The following RNLS variants were observed in gnomAD, a reference collection of about 807,000 sequenced individuals.
RNLS encodes the protein renalase, FAD dependent amine oxidase.
RNLS carries 39 observed loss-of-function variants against 39.8 expected under a neutral mutation model. That is an observed-to-expected ratio of 0.98 (90% confidence interval 0.76 to 1.28). RNLS has a LOEUF of 1.28. Ranked by LOEUF, RNLS falls within the 50% of genes most tolerant of loss-of-function variation. The pLI is 0.00. For missense variants in RNLS, 410 were observed against 413.3 expected (o/e 0.99, Z 0.07); for synonymous variants, 147 against 150.7 (o/e 0.98, Z 0.18).
chr10:88,445,480 G>A (rs1179220040), intron 4 of RNLS, among the ~76,000 whole-genome samples: 1 of 152,184 alleles, frequency 6.6e-6, no homozygotes, highest in Non-Finnish European at 1.5e-5. Flanking sequence ...AACCTTAAAT[G>A]TAAATGGGCT....
At chr10:88,289,921 A>T (rs1413134363) in intron 6 of RNLS, among the ~76,000 whole-genome samples, 3 of 152,148 alleles carry the variant, frequency 2.0e-5, no homozygotes, top group Admixed American at 2.0e-4. Context: ...CCTGTCATGT[A>T]TTAAGTTGAA....
intron 4 of RNLS, among the ~76,000 whole-genome samples, chr10:88,542,953 CAAT>C (rs34280293): frequency 0.42 from 63,142 of 151,628 alleles, 13,796 homozygotes; most frequent in African/African-American, 0.54. Flanking sequence ...TAACACACAA[CAAT>C]GAGGACAAAG....
At chr10:88,240,949 T>C in the RNLS span, among the ~76,000 whole-genome samples, 1 of 151,596 alleles carries the variant, frequency 6.6e-6, no homozygotes, top group Non-Finnish European at 1.5e-5. Flanking sequence ...TTACTGAATG[T>C]TTTTCATTAT....
chr10:88,234,226 A>G, the RNLS span, among the ~76,000 whole-genome samples: 1 of 151,808 alleles, frequency 6.6e-6, no homozygotes, highest in East Asian at 1.9e-4. Flanking sequence ...GTGCAAATTC[A>G]ACATCATTTC....
chr10:88,337,562 C>T (rs1463926642), intron 5 of RNLS, among the ~76,000 whole-genome samples: 1 of 152,186 alleles, frequency 6.6e-6, no homozygotes, highest in East Asian at 1.9e-4. Context: ...TGCTCTCTCT[C>T]TGTTTTTTAA....
chr10:88,313,089 T>C (rs1484062972), intron 6 of RNLS, among the ~76,000 whole-genome samples: 2 of 152,234 alleles, frequency 1.3e-5, no homozygotes, highest in Non-Finnish European at 2.9e-5. Flanking sequence ...GTACATTGTG[T>C]TCAAAGATTT....
chr10:88,500,990 T>A (rs189130166), intron 4 of RNLS, among the ~76,000 whole-genome samples: 20 of 147,126 alleles, frequency 1.4e-4, no homozygotes, highest in African/African-American at 4.7e-4. Flanking sequence ...TATATTTATG[T>A]ATATATATGT....
chr10:88,201,160 T>C, the RNLS span, among the ~76,000 whole-genome samples: 3 of 152,218 alleles, frequency 2.0e-5, no homozygotes, highest in Non-Finnish European at 4.4e-5. Context: ...TGCTTTAAGA[T>C]GGTTGCATCT....
chr10:88,437,119 A>C (rs1214143001), intron 4 of RNLS, among the ~76,000 whole-genome samples: 1 of 152,220 alleles, frequency 6.6e-6, no homozygotes, highest in East Asian at 1.9e-4. Flanking sequence ...ACTAGCTATA[A>C]AACTAAGACA....
At chr10:88,517,367 C>T (rs922940362) in intron 4 of RNLS, among the ~76,000 whole-genome samples, 17 of 152,020 alleles carry the variant, frequency 1.1e-4, no homozygotes, top group African/African-American at 3.6e-4. Flanking sequence ...ATGTCCATAA[C>T]ACTGGTTATA....
intron 4 of RNLS, among the ~76,000 whole-genome samples, chr10:88,381,199 C>G (rs1851467061): frequency 6.6e-6 from 1 of 152,106 alleles, no homozygotes; most frequent in Non-Finnish European, 1.5e-5. Context: ...CACAGCCTTG[C>G]TTTGACTTAA....
chr10:88,466,608 T>A (rs946658358), intron 4 of RNLS, among the ~76,000 whole-genome samples: 1 of 152,154 alleles, frequency 6.6e-6, no homozygotes, highest in Non-Finnish European at 1.5e-5. Context: ...ACAGGCTCAA[T>A]ATCTTCAAAG....
chr10:88,574,046 C>T (rs1195531384), intron 3 of RNLS, among the ~76,000 whole-genome samples: 1 of 152,086 alleles, frequency 6.6e-6, no homozygotes, highest in Non-Finnish European at 1.5e-5. Flanking sequence ...CAGGCTAAGA[C>T]ACGAGAATCG....
the RNLS span, among the ~76,000 whole-genome samples, chr10:88,202,381 T>C: frequency 6.6e-6 from 1 of 152,020 alleles, no homozygotes; most frequent in Non-Finnish European, 1.5e-5. Flanking sequence ...CACACCAACA[T>C]GGCACACGCA....
chr10:88,203,311 TAC>T, the RNLS span, among the ~76,000 whole-genome samples: 1 of 6,518 alleles, frequency 1.5e-4, no homozygotes, highest in African/African-American at 8.2e-4. Context: ...TATATATATA[TAC>T]GTATGTATAT....
At chr10:88,568,518 G>A (rs899631945) in intron 4 of RNLS, among the ~76,000 whole-genome samples, 19 of 151,906 alleles carry the variant, frequency 1.3e-4, no homozygotes, top group Non-Finnish European at 1.3e-4. Flanking sequence ...TGTGTGTGTC[G>A]TTGTTGTTTT....
chr10:88,539,290 G>A (rs932782857), intron 4 of RNLS, among the ~76,000 whole-genome samples: 1 of 152,066 alleles, frequency 6.6e-6, no homozygotes. Context: ...TTCACATATA[G>A]TATGCACATA....
At chr10:88,521,589 GTGT>G (rs972929748) in intron 4 of RNLS, among the ~76,000 whole-genome samples, 1 of 152,052 alleles carries the variant, frequency 6.6e-6, no homozygotes. Flanking sequence ...AAGAATGTGT[GTGT>G]CAGCTATGGA....
At chr10:88,542,275 T>G (rs1848086255) in intron 4 of RNLS, among the ~76,000 whole-genome samples, 1 of 152,096 alleles carries the variant, frequency 6.6e-6, no homozygotes, top group Non-Finnish European at 1.5e-5. Context: ...CACAGGAGTT[T>G]TGGTGAAAAA....
Sources: gnomAD v4.1 joint callset for allele counts (sites outside exome capture counted in the v4.1 genomes callset) on GRCh38, gnomAD v4.1.1 for gene constraint, MANE v1.5 for transcripts, NCBI Gene and HGNC (gene_info 2026-07-23, HGNC 2026-07-21) for gene names.